The following ZNF99 variants were observed in gnomAD, a reference collection of about 807,000 sequenced individuals.
The protein encoded by ZNF99 is zinc finger protein ENSP00000375192.
ZNF99 carries 8 observed loss-of-function variants against 12.8 expected under a neutral mutation model. That is an observed-to-expected ratio of 0.62 (90% CI 0.37 to 1.13). The LOEUF is 1.13. Among genes scored for constraint, ZNF99 ranks in the 50% most tolerant of loss-of-function variants. The pLI is 0.02. For synonymous variants in ZNF99, 318 were observed against 319.0 expected, an observed-to-expected ratio of 1.00 and a Z score of 0.03; for missense variants, 1,007 against 1,006.2, an observed-to-expected ratio of 1.00 and a Z score of -0.01.
intron 2 of ZNF99, 135 bp downstream of exon 2, chr19:22,769,063 C>T (rs1973236438): frequency 1.1e-6 from 1 of 886,986 alleles, no homozygotes; most frequent in Non-Finnish European, 1.6e-6. Context: ...TCTACACTTT[C>T]AAATCCCTGT....
Position 22,759,652 on chromosome 19 carries a change from CA to C in ZNF99, c.256del (p.Trp86GlyfsTer6). The C allele has an allele frequency of 6.4e-7, 1 of 1,555,936 alleles. No homozygotes were observed. The highest frequency in any genetic ancestry group is 1.2e-5 in the South Asian group (1 of 80,140). On this transcript the variant is annotated frameshift_variant, in exon 4 of 4. Coordinates refer to ENST00000596209, the MANE Select transcript of ZNF99 (RefSeq NM_001080409.3). LOFTEE classifies it low-confidence loss of function (END_TRUNC). Reference sequence around the variant, plus strand: ...AGAATCTTTTATGCTCTGATCTGGCCAAAAGTCTTGTGTAAAATGAGAACTA... The same window carrying C: ...AGAATCTTTTATGCTCTGATCTGGCCAAAGTCTTGTGTAAAATGAGAACTA... The part of the protein sequence containing the change: ...VISSHFTQDF[W>X]PDQSIKDSFQ...
chr19:22,758,671 G>T lies in ZNF99; in HGVS notation c.1238C>A (p.Thr413Asn), dbSNP rs1160100108. The change falls in exon 4 of 4, where the codon ACT becomes AAT. Residue 413 changes from threonine (T) to asparagine (N), a missense_variant. Transcript: ENST00000596209. ...GKAFKWSSKLTVHKVIHTAEK... is the reference protein window; with the variant it reads ...GKAFKWSSKLNVHKVIHTAEK... ...TGCAGTATGAATTACCTTATGTACA[G>T]TAAGTTTTGAGGACCACTTAAAAGC... is the stretch of plus-strand genomic sequence containing the variant. 3 of 1,611,792 alleles carry T rather than the reference G, an allele frequency of 1.9e-6. No individual in the cohort carries two copies. The African/African-American group carries it at 4.0e-5, about 22-fold the overall frequency.
At chr19:22,770,904 C>G (rs905745984) in intron 1 of ZNF99, 2 of 151,890 alleles carry the variant, frequency 1.3e-5, no homozygotes, top group African/African-American at 4.8e-5. Context: ...CTTTAGCACA[C>G]TAGAGAGCAG....
chr19:22,781,097 AT>A (rs1003782149), intron 1 of ZNF99, among the ~76,000 whole-genome samples: 6 of 152,212 alleles, frequency 3.9e-5, no homozygotes, highest in Non-Finnish European at 8.8e-5. Flanking sequence ...TTCAATATTA[AT>A]TTTATTCTGA....
rs980346843 is a variant in ZNF99, at chr19:22,755,092, A to G, written c.*2222T>C. Reference sequence around the variant, plus strand: ...CTGTTTCAAAAAAAAAAAAAAAAAAATTGAAGAATGCTTATGGCATTATTC... The same window carrying G: ...CTGTTTCAAAAAAAAAAAAAAAAAAGTTGAAGAATGCTTATGGCATTATTC... On this transcript the variant is annotated 3_prime_UTR_variant, in exon 4 of 4. Coordinates refer to ENST00000596209, the MANE Select transcript of ZNF99 (RefSeq NM_001080409.3). The G allele has an allele frequency of 1.2e-5, 2 of 164,504 alleles. No homozygotes were observed. The highest frequency in any genetic ancestry group is 2.6e-5 in the Non-Finnish European group (2 of 77,174). 10.2% of individuals were successfully genotyped at this position (164,504 alleles called of 1,614,324 possible).
chr19:22,776,716 T>A (rs755706243), intron 1 of ZNF99, among the ~76,000 whole-genome samples: 1,039 of 140,246 alleles, frequency 7.4e-3, no homozygotes, highest in Admixed American at 9.3e-3. Context: ...AACCTCATAA[T>A]TGGGTATATA....
intron 3 of ZNF99, among the ~76,000 whole-genome samples, chr19:22,766,282 TAA>T (rs35026292): frequency 7.6e-6 from 1 of 131,322 alleles, no homozygotes; most frequent in East Asian, 2.1e-4. Flanking sequence ...ACAAAATATG[TAA>T]AAAAAAAAAA....
At chr19:22,771,356 C>T (rs936870910) in intron 1 of ZNF99, among the ~76,000 whole-genome samples, 4 of 141,682 alleles carry the variant, frequency 2.8e-5, no homozygotes, top group Non-Finnish European at 4.5e-5. Flanking sequence ...CACGGATTCA[C>T]GCCATTCTCC....
In ZNF99 at chr19:22,752,618, C is replaced by T. The variant is rs1972984331; in HGVS notation, c.*4696G>A. The T allele has an allele frequency of 6.6e-6, 1 of 152,044 alleles. No homozygotes were observed. The highest frequency in any genetic ancestry group is 1.5e-5 in the Non-Finnish European group (1 of 67,956). The allele number at this position is 152,044 out of a possible 1,614,324, so 9.4% of individuals were successfully genotyped here. A position where few individuals can be genotyped will look rare whatever the true frequency, so the allele number is the denominator to read the frequency against. ...TATTCCACTCTTACCAAATAGTAAACTGTTGCCATCTCTTACCTACACCCT... is the reference window on the plus strand; with the variant it reads ...TATTCCACTCTTACCAAATAGTAAATTGTTGCCATCTCTTACCTACACCCT... On this transcript the variant is annotated 3_prime_UTR_variant, in exon 4 of 4. Transcript: ENST00000596209.
Position 22,752,362 on chromosome 19 carries a change from C to T in ZNF99, c.*4952G>A, listed in dbSNP as rs1033379991. 22 of 151,626 alleles carry T rather than the reference C, an allele frequency of 1.5e-4. No individual in the cohort carries two copies. In the East Asian group the frequency reaches 2.9e-3, roughly 20 times the overall value. The allele number at this position is 151,626 out of a possible 1,614,324, so 9.4% of individuals were successfully genotyped here. A position where few individuals can be genotyped will look rare whatever the true frequency, so the allele number is the denominator to read the frequency against. ...GTGAAGAATCCCTCATTTACCCTGA[C>T]GTGATTATTACATATTTTATGCTGG... On this transcript the variant is annotated 3_prime_UTR_variant, in exon 4 of 4. Coordinates refer to ENST00000596209, the MANE Select transcript of ZNF99 (RefSeq NM_001080409.3).
Position 22,758,271 on chromosome 19 carries a change from A to G in ZNF99, c.1638T>C (p.Phe546=), listed in dbSNP as rs763831654. 9.9e-6 allele frequency: 16 copies of G among 1,609,466 alleles called. No individual in the cohort carries two copies. The East Asian group carries it at 3.6e-4, about 36-fold the overall frequency. The change falls in exon 4 of 4, where the codon TTT becomes TTC. Residue 546 remains phenylalanine, a synonymous_variant. Transcript: ENST00000596209. ...GTTTCATAAGGGTTGAGGAATTGTT[A>G]AAAGCTTTGCCACATTCTTCACATT... The part of the protein sequence containing the change: ...PYKCEECGKA[F]NNSSTLMKHK...
At position 22,769,282 on chromosome 19, in the gene ZNF99, C is replaced by G. The variant is rs146038371; in HGVS notation, c.46G>C (p.Glu16Gln). The change falls in exon 2 of 4, where the codon GAG becomes CAG. Residue 16 changes from glutamate (E) to glutamine (Q), a missense_variant. Physicochemically the swap from Glu to Gln is conservative, Grantham distance 29. Coordinates refer to ENST00000596209, the MANE Select transcript of ZNF99 (RefSeq NM_001080409.3). ...GCCATGTCCAGGCATTGCCACTCCT[C>G]CAGAGCGAATTCTATGGTCACATCC... ...FWDVTIEFAL[E>Q]EWQCLDMAQQ... 2 of 1,610,156 alleles carry G rather than the reference C, an allele frequency of 1.2e-6. No homozygotes were observed. Among genetic ancestry groups the G allele is most frequent in the East Asian group, 2.2e-5 (1 of 44,694 alleles).
intron 1 of ZNF99, chr19:22,769,820 TGA>T: frequency 7.9e-7 from 1 of 1,265,034 alleles, no homozygotes; most frequent in African/African-American, 1.6e-5. Context: ...TCTCAAACTC[TGA>T]GAAAAAAAGA....
intron 3 of ZNF99, among the ~76,000 whole-genome samples, chr19:22,764,509 A>G (rs1973183789): frequency 6.6e-6 from 1 of 152,140 alleles, no homozygotes; most frequent in African/African-American, 2.4e-5. Flanking sequence ...TAAACTAAAG[A>G]GCTTTTGCAT....
chr19:22,776,605 C>T (rs1038064197), intron 1 of ZNF99, among the ~76,000 whole-genome samples: 4 of 151,536 alleles, frequency 2.6e-5, no homozygotes, highest in Non-Finnish European at 4.4e-5. Flanking sequence ...CAGAGAAAAG[C>T]GTATGCGCTG....
rs1973123219 is a variant in ZNF99 at position 22,759,306 on chromosome 19, G to C, written c.603C>G (p.Tyr201Ter). ...HKRIHTRENI[Y>*]KCEERGKAFK... ...AGGCTTTGCCACGTTCTTCACATTTGTAGATATTCTCTCTAGTATGAATTC... is the reference window on the plus strand; with the variant it reads ...AGGCTTTGCCACGTTCTTCACATTTCTAGATATTCTCTCTAGTATGAATTC... Residue 201 changes from tyrosine (Y) to a stop codon, truncating the protein, a stop_gained, in exon 4 of 4, where the codon TAC (tyrosine) becomes TAG (stop). Coordinates refer to ENST00000596209, the MANE Select transcript of ZNF99 (RefSeq NM_001080409.3). LOFTEE classifies it low-confidence loss of function (END_TRUNC). 2 of 1,549,398 alleles carry C rather than the reference G, an allele frequency of 1.3e-6. No homozygotes were observed. The highest frequency in any genetic ancestry group is 2.4e-5 in the East Asian group (1 of 41,034).
chr19:22,756,697 T>C lies in ZNF99; in HGVS notation c.*617A>G, dbSNP rs768514671. ...ATTGTTAAAACCTTTGCCACATTCT[T>C]CACATTTGTACGGTTTCTCCCCAGT... On this transcript the variant is annotated 3_prime_UTR_variant, in exon 4 of 4. Coordinates refer to ENST00000596209, the MANE Select transcript of ZNF99 (RefSeq NM_001080409.3). 8.1e-6 allele frequency: 12 copies of C among 1,475,130 alleles called. 1 individual carries two copies. Among genetic ancestry groups the C allele is most frequent in the East Asian group, 2.6e-5 (1 of 38,562 alleles). 91.4% of individuals were successfully genotyped at this position (1,475,130 alleles called of 1,614,324 possible).
intron 1 of ZNF99, among the ~76,000 whole-genome samples, chr19:22,769,611 C>CA (rs1298586909): frequency 6.6e-6 from 1 of 151,748 alleles, no homozygotes; most frequent in Non-Finnish European, 1.5e-5. Context: ...ACTAAAAATA[C>CA]AAAAAATTAG....
chr19:22,770,107 A>G, intron 1 of ZNF99: 1 of 960,278 alleles, frequency 1.0e-6, no homozygotes, highest in Non-Finnish European at 1.3e-6. Flanking sequence ...CTCACCAGTA[A>G]TGCCTGTTTT....
Sources: allele counts gnomAD v4.1 joint callset (sites outside exome capture counted in the v4.1 genomes callset), GRCh38; gene constraint gnomAD v4.1.1; transcripts MANE v1.5; gene names NCBI Gene and HGNC (gene_info 2026-07-23, HGNC 2026-07-21).